The following BBS9 variants were observed in gnomAD, a reference collection of about 807,000 sequenced individuals.
BBS9 encodes the protein Bardet-Biedl syndrome 9.
BBS9 carries 89 observed loss-of-function variants against 117.7 expected under a neutral mutation model. The observed-to-expected ratio is 0.76, with a 90% CI of 0.64 to 0.90. The LOEUF is 0.90. Among genes scored for constraint, BBS9 ranks in the 40% least tolerant of loss-of-function variants. BBS9 has a pLI of 0.00. For missense variants in BBS9, 982 were observed against 1,042.2 expected (o/e 0.94, Z 0.80); for synonymous variants, 379 against 370.9 (o/e 1.02, Z -0.25).
Position 33,605,444 on chromosome 7 carries a change from A to G in BBS9, c.*218A>G, listed in dbSNP as rs1864460695. Reference sequence around the variant, plus strand: ...CAGCTGAAACTTGTCTTGTTTTGCCAGGAAAGGAAGTAGTTGCCTTTGGTC... The same window carrying G: ...CAGCTGAAACTTGTCTTGTTTTGCCGGGAAAGGAAGTAGTTGCCTTTGGTC... On this transcript the variant is annotated 3_prime_UTR_variant, in exon 23 of 23. Transcript: ENST00000242067. 1.3e-5 allele frequency: 8 copies of G among 602,842 alleles called. No individual in the cohort carries two copies. The South Asian group carries it at 1.4e-4, about 10-fold the overall frequency. The allele number at this position is 602,842 out of a possible 1,614,324, so 37.3% of individuals were successfully genotyped here. A position where few individuals can be genotyped will look rare whatever the true frequency, so the allele number is the denominator to read the frequency against.
intron 9 of BBS9, among the ~76,000 whole-genome samples, chr7:33,282,573 T>C (rs1802109946): frequency 6.6e-6 from 1 of 152,012 alleles, no homozygotes; most frequent in Non-Finnish European, 1.5e-5. Context: ...AGGGTTTCAA[T>C]ATCTTGGCCA....
chr7:33,259,031 C>T (rs1420850356), intron 6 of BBS9, among the ~76,000 whole-genome samples: 1 of 151,996 alleles, frequency 6.6e-6, no homozygotes, highest in Non-Finnish European at 1.5e-5. Flanking sequence ...TGATGACAAT[C>T]AAGAAGGTTT....
intron 5 of BBS9, among the ~76,000 whole-genome samples, chr7:33,198,628 C>T (rs1027357089): frequency 4.6e-5 from 7 of 151,802 alleles, no homozygotes; most frequent in East Asian, 1.9e-4. Context: ...ATATCTAGCC[C>T]GGAGGCAAAG....
At chr7:33,416,567 T>C (rs890178993) in intron 19 of BBS9, among the ~76,000 whole-genome samples, 1 of 152,092 alleles carries the variant, frequency 6.6e-6, no homozygotes, top group Non-Finnish European at 1.5e-5. Flanking sequence ...TATTCATTCA[T>C]TTATGCAACA....
chr7:33,530,278 A>G (rs377419576), intron 20 of BBS9, among the ~76,000 whole-genome samples: 19 of 152,382 alleles, frequency 1.2e-4, no homozygotes, highest in Admixed American at 3.9e-4. Context: ...AAAGAAATAT[A>G]CCATGCCAAA....
chr7:33,474,867 C>A (rs1031586523), intron 19 of BBS9, among the ~76,000 whole-genome samples: 1 of 152,158 alleles, frequency 6.6e-6, no homozygotes, highest in Non-Finnish European at 1.5e-5. Context: ...ATTGCTTGAA[C>A]CTGGGAGGTG....
intron 21 of BBS9, among the ~76,000 whole-genome samples, chr7:33,572,865 T>A (rs537345691): frequency 8.5e-5 from 13 of 152,208 alleles, no homozygotes; most frequent in Middle Eastern, 3.4e-3. Context: ...TATCCATTTT[T>A]AAAATTAATA....
intron 20 of BBS9, 109 bp downstream of exon 20, chr7:33,505,754 A>G: frequency 2.5e-6 from 3 of 1,199,498 alleles, no homozygotes; most frequent in Admixed American, 4.4e-5. Context: ...TAAGGGTTTG[A>G]TTTTTTACAA....
chr7:33,267,480 A>T (rs539912609), intron 7 of BBS9, among the ~76,000 whole-genome samples: 2 of 137,542 alleles, frequency 1.5e-5, no homozygotes, highest in East Asian at 4.1e-4. Flanking sequence ...TTTTTTTTTT[A>T]AATTCTATTT....
chr7:33,348,917 C>A, intron 12 of BBS9, 151 bp from the exon 13 acceptor site: 1 of 591,588 alleles, frequency 1.7e-6, no homozygotes, highest in African/African-American at 1.9e-5. Flanking sequence ...ATATTTTAAT[C>A]TATTACTTAC....
intron 16 of BBS9, 87 bp from the exon 17 acceptor site, chr7:33,367,680 C>A: frequency 9.6e-7 from 1 of 1,043,988 alleles, no homozygotes; most frequent in Non-Finnish European, 1.5e-6. Flanking sequence ...ACATAAAAAA[C>A]ACGCATCATT....
At chr7:33,456,427 G>A (rs953524739) in intron 19 of BBS9, among the ~76,000 whole-genome samples, 7 of 152,116 alleles carry the variant, frequency 4.6e-5, no homozygotes, top group Non-Finnish European at 8.8e-5. Flanking sequence ...ATAAGATGCT[G>A]TCTTCACTTC....
At chr7:33,260,240 A>G (rs886666462) in intron 6 of BBS9, among the ~76,000 whole-genome samples, 1 of 152,002 alleles carries the variant, frequency 6.6e-6, no homozygotes, top group Non-Finnish European at 1.5e-5. Flanking sequence ...GAGCTCAGGC[A>G]GTCTGCCCGC....
At chr7:33,477,780 C>T (rs1584962988) in intron 19 of BBS9, among the ~76,000 whole-genome samples, 1 of 152,278 alleles carries the variant, frequency 6.6e-6, no homozygotes, top group Admixed American at 6.5e-5. Context: ...GGAATAGACG[C>T]AGTGAGCTTC....
chr7:33,211,439 A>G (rs1435452750), intron 5 of BBS9, among the ~76,000 whole-genome samples: 1 of 152,150 alleles, frequency 6.6e-6, no homozygotes, highest in Non-Finnish European at 1.5e-5. Flanking sequence ...ACAAACATGC[A>G]AAAGAAAACT....
intron 19 of BBS9, among the ~76,000 whole-genome samples, chr7:33,423,228 A>G (rs565505147): frequency 6.6e-6 from 1 of 152,124 alleles, no homozygotes; most frequent in Non-Finnish European, 1.5e-5. Flanking sequence ...ACAAGTGCGG[A>G]CCCGATTCCA....
upstream of BBS9, chr7:33,129,401 G>A (rs1233739817): frequency 2.8e-5 from 9 of 322,856 alleles, no homozygotes; most frequent in East Asian, 4.7e-4. Flanking sequence ...TGAGGACCAG[G>A]CCGTGGTTCA....
rs1269548048 is a variant in BBS9 at position 33,187,771 on chromosome 7, A to AT, written c.442+10182dup. On this transcript the variant is annotated intron_variant, in intron 5 of 22. Coordinates refer to ENST00000242067, the MANE Select transcript of BBS9 (RefSeq NM_198428.3). ...CCATCTCTACTTAAAATACAAAAAA[A>AT]TTAGCTGGGCACGGTGGTGGGTGCC... 2.0e-5 allele frequency among the ~76,000 whole-genome samples: 3 copies of AT among 151,954 alleles called. No individual in the cohort carries two copies. In the East Asian group the frequency reaches 5.8e-4, roughly 29 times the overall value.
intron 5 of BBS9, among the ~76,000 whole-genome samples, chr7:33,186,233 A>G (rs1409702458): frequency 1.3e-5 from 2 of 152,218 alleles, no homozygotes; most frequent in Non-Finnish European, 2.9e-5. Flanking sequence ...AATTTCTGAC[A>G]ATATTCCAGG....
Sources: allele counts gnomAD v4.1 joint callset (sites outside exome capture counted in the v4.1 genomes callset), GRCh38; gene constraint gnomAD v4.1.1; transcripts MANE v1.5; gene names NCBI Gene and HGNC (gene_info 2026-07-23, HGNC 2026-07-21).